The following CADPS2 variants were observed in gnomAD, a reference collection of about 807,000 sequenced individuals.
CADPS2 encodes the protein calcium dependent secretion activator 2, also known as calcium-dependent secretion activator 2.
Under a neutral mutation model 172.5 loss-of-function variants are expected in CADPS2, and 93 were observed. The ratio of observed to expected loss-of-function variants is 0.54; its 90% confidence interval spans 0.46 to 0.64. CADPS2 has a LOEUF of 0.64. Ranked by LOEUF, CADPS2 falls within the 30% of genes least tolerant of loss-of-function variation. CADPS2 has a pLI of 0.00. For synonymous variants in CADPS2, 546 were observed against 555.2 expected (o/e 0.98, Z 0.23); for missense variants, 1,420 against 1,565.9 (o/e 0.91, Z 1.57).
intron 2 of CADPS2, among the ~76,000 whole-genome samples, chr7:122,705,618 T>C (rs13308298): frequency 0.26 from 20,875 of 81,540 alleles, 2,662 homozygotes; most frequent in African/African-American, 0.3. Flanking sequence ...ATAACATTTA[T>C]ATATATTATA....
At chr7:122,841,071 G>A (rs750331514) in intron 1 of CADPS2, among the ~76,000 whole-genome samples, 1 of 152,112 alleles carries the variant, frequency 6.6e-6, no homozygotes, top group African/African-American at 2.4e-5. Flanking sequence ...CAAATAAATG[G>A]AGGAAGAACA....
intron 17 of CADPS2, among the ~76,000 whole-genome samples, chr7:122,437,595 CTATT>C (rs2050794354): frequency 6.6e-6 from 1 of 151,846 alleles, no homozygotes; most frequent in Non-Finnish European, 1.5e-5. Flanking sequence ...TTTTTTCCCT[CTATT>C]AGTTAATCCT....
chr7:122,587,230 A>G (rs1254725877), intron 6 of CADPS2, among the ~76,000 whole-genome samples: 1 of 151,308 alleles, frequency 6.6e-6, no homozygotes, highest in Non-Finnish European at 1.5e-5. Context: ...TAAGCCCAGC[A>G]TGCATTAGCT....
At chr7:122,320,867 A>G (rs981945939) in intron 29 of CADPS2, among the ~76,000 whole-genome samples, 1 of 152,222 alleles carries the variant, frequency 6.6e-6, no homozygotes, top group African/African-American at 2.4e-5. Flanking sequence ...ACCACTGGAT[A>G]AAAATTTGTG....
intron 25 of CADPS2, among the ~76,000 whole-genome samples, chr7:122,362,945 C>T (rs921980709): frequency 6.6e-6 from 1 of 152,168 alleles, no homozygotes; most frequent in African/African-American, 2.4e-5. Context: ...CAAAACCATG[C>T]AGACTGACTG....
intron 14 of CADPS2, among the ~76,000 whole-genome samples, chr7:122,455,530 A>G (rs2053652190): frequency 6.6e-6 from 1 of 152,050 alleles, no homozygotes; most frequent in Admixed American, 6.6e-5. Flanking sequence ...CTCTAGTGCT[A>G]GAACACCAGA....
intron 8 of CADPS2, among the ~76,000 whole-genome samples, chr7:122,533,424 T>C (rs1317268286): frequency 6.6e-6 from 1 of 152,132 alleles, no homozygotes; most frequent in Non-Finnish European, 1.5e-5. Context: ...CAGAAAATAC[T>C]CTTCTATTTT....
chr7:122,559,520 C>T (rs2132149200), intron 7 of CADPS2, among the ~76,000 whole-genome samples: 1 of 152,156 alleles, frequency 6.6e-6, no homozygotes, highest in Non-Finnish European at 1.5e-5. Flanking sequence ...CCTGTAATCC[C>T]AGCACTTTTG....
intron 6 of CADPS2, among the ~76,000 whole-genome samples, chr7:122,608,624 C>A (rs562777082): frequency 6.6e-6 from 1 of 152,116 alleles, no homozygotes; most frequent in Admixed American, 6.6e-5. Flanking sequence ...TAATGACACA[C>A]AATTCATTAG....
chr7:122,870,560 C>T (rs887913481), intron 1 of CADPS2, among the ~76,000 whole-genome samples: 1 of 151,948 alleles, frequency 6.6e-6, no homozygotes, highest in African/African-American at 2.4e-5. Context: ...TACTGCATTG[C>T]ATGGTGACTG....
chr7:122,881,953 T>C (rs1012904478), intron 1 of CADPS2, among the ~76,000 whole-genome samples: 6 of 152,158 alleles, frequency 3.9e-5, no homozygotes, highest in Admixed American at 1.3e-4. Context: ...CTTTGAGGCA[T>C]GGACTGAATC....
intron 1 of CADPS2, 132 bp downstream of exon 1, chr7:122,885,867 C>T: frequency 9.0e-7 from 1 of 1,108,842 alleles, no homozygotes. Flanking sequence ...CCCAAAGATT[C>T]CTCTGCCCTC....
chr7:122,752,361 A>G (rs17144796), intron 1 of CADPS2, among the ~76,000 whole-genome samples: 5,410 of 152,294 alleles, frequency 0.036, 204 homozygotes, highest in Admixed American at 0.11. Context: ...TTTCTGGAAG[A>G]GCTTTCTGAA....
intron 3 of CADPS2, among the ~76,000 whole-genome samples, chr7:122,649,662 A>C (rs575971164): frequency 6.4e-4 from 98 of 152,220 alleles, no homozygotes; most frequent in African/African-American, 2.1e-3. Flanking sequence ...AGATGCTGCC[A>C]CCCATGTGCT....
At chr7:122,620,085 C>T (rs2075409608) in intron 5 of CADPS2, among the ~76,000 whole-genome samples, 2 of 152,018 alleles carry the variant, frequency 1.3e-5, no homozygotes, top group Non-Finnish European at 2.9e-5. Context: ...TCTTTTTCTG[C>T]CATAAACTAA....
chr7:122,807,828 C>G (rs968006673), intron 1 of CADPS2, among the ~76,000 whole-genome samples: 43 of 152,032 alleles, frequency 2.8e-4, no homozygotes, highest in African/African-American at 1.0e-3. Flanking sequence ...TAGAAGGATA[C>G]CAGTAAGACC....
chr7:122,451,449 A>T lies in CADPS2; in HGVS notation c.2213T>A (p.Val738Glu). 4 of 1,586,300 alleles carry T rather than the reference A, an allele frequency of 2.5e-6. No individual in the cohort carries two copies. Among genetic ancestry groups the T allele is most frequent in the Non-Finnish European group, 3.4e-6 (4 of 1,165,612 alleles). ...CTCCTCAAATCTTTCTTTTTCTTCC[A>T]CTGAAACAGTCCCAATTCCATCAGG... is the stretch of plus-strand genomic sequence containing the variant. ...NRPDGIGTVS[V>E]EEKERFEEIK... is the part of the protein sequence containing the mutation. The change falls in exon 15 of 30, where the codon GTG becomes GAG. Residue 738 changes from valine (V) to glutamate (E), a missense_variant. Coordinates refer to ENST00000449022, the MANE Select transcript of CADPS2 (RefSeq NM_017954.11).
intron 2 of CADPS2, among the ~76,000 whole-genome samples, chr7:122,695,751 G>A (rs184125271): frequency 9.9e-4 from 151 of 152,210 alleles, no homozygotes; most frequent in African/African-American, 3.5e-3. Context: ...CATTAACAAA[G>A]GTTATATCAT....
At chr7:122,331,499 T>C (rs36019960) in intron 28 of CADPS2, among the ~76,000 whole-genome samples, 1 of 152,014 alleles carries the variant, frequency 6.6e-6, no homozygotes, top group Non-Finnish European at 1.5e-5. Context: ...ATTAGTTGGG[T>C]GCTGTGACGT....
Sources: gnomAD v4.1 joint callset for allele counts (sites outside exome capture counted in the v4.1 genomes callset) on GRCh38, gnomAD v4.1.1 for gene constraint, MANE v1.5 for transcripts, NCBI Gene and HGNC (gene_info 2026-07-23, HGNC 2026-07-21) for gene names.